ATL2: variants seen among roughly 807,000 people sequenced by gnomAD.
The protein encoded by ATL2 is atlastin GTPase 2.
Under a neutral mutation model 73.9 loss-of-function variants are expected in ATL2, and 31 were observed. That is an observed-to-expected ratio of 0.42 (90% CI 0.32 to 0.57). ATL2 has a LOEUF of 0.57. Ranked by LOEUF, ATL2 falls within the 20% of genes least tolerant of loss-of-function variation. The pLI, the probability that ATL2 is intolerant of heterozygous loss-of-function variation, is 0.14. For missense variants in ATL2, 738 were observed against 702.6 expected (o/e 1.05, Z -0.57); for synonymous variants, 291 against 237.5 (o/e 1.23, Z -2.07).
intron 2 of ATL2, among the ~76,000 whole-genome samples, chr2:38,340,595 A>C (rs1037169638): frequency 1.6e-5 from 2 of 125,972 alleles, no homozygotes; most frequent in Non-Finnish European, 3.0e-5. Flanking sequence ...TCAACACTGA[A>C]AACTTAAACT....
rs368289824 is a variant in ATL2, at chr2:38,301,659, T to C, written c.1072-1331A>G. ...GTGGAAAGAACTCAGCCAGCACCCA[T>C]GGAGGAAGAATTTAGACCAGCCCTA... On this transcript the variant is annotated intron_variant, in intron 9 of 12. Coordinates refer to ENST00000378954, the MANE Select transcript of ATL2 (RefSeq NM_001135673.4). 9.9e-5 allele frequency among the ~76,000 whole-genome samples: 15 copies of C among 152,240 alleles called. No individual in the cohort carries two copies. In the East Asian group the frequency reaches 1.9e-3, roughly 20 times the overall value.
chr2:38,321,488 C>T (rs780631823), intron 2 of ATL2, among the ~76,000 whole-genome samples: 2 of 152,094 alleles, frequency 1.3e-5, no homozygotes, highest in Non-Finnish European at 2.9e-5. Flanking sequence ...TGACACTCCC[C>T]GGACAAGTAA....
rs183575571 is a variant in ATL2 at position 38,294,248 on chromosome 2, G to A, written c.*1746C>T. On this transcript the variant is annotated 3_prime_UTR_variant, in exon 13 of 13. Transcript: ENST00000378954. ...GCAACTCAACACCTGCATTCTCTTC[G>A]CTTAAAAAGCAAACTAAGGGCCGGG... 1.8e-4 allele frequency among the ~76,000 whole-genome samples: 28 copies of A among 152,290 alleles called. No homozygotes were observed. The East Asian group carries it at 3.7e-3, about 20-fold the overall frequency.
chr2:38,370,045 T>G (rs1012270189), intron 1 of ATL2, among the ~76,000 whole-genome samples: 13 of 145,414 alleles, frequency 8.9e-5, no homozygotes, highest in Admixed American at 3.5e-4. Flanking sequence ...TCCCAGGTAC[T>G]CGGGAGGCTC....
chr2:38,366,277 T>C (rs1389108122), intron 1 of ATL2, among the ~76,000 whole-genome samples: 1 of 152,174 alleles, frequency 6.6e-6, no homozygotes, highest in Admixed American at 6.5e-5. Flanking sequence ...CATTTTGAGC[T>C]CCTCAGATAA....
intron 2 of ATL2, among the ~76,000 whole-genome samples, chr2:38,334,903 TTA>T (rs1254816903): frequency 9.4e-6 from 1 of 106,912 alleles, no homozygotes; most frequent in African/African-American, 4.9e-5. Flanking sequence ...TATATATTAT[TTA>T]TAATATATAA....
chr2:38,356,169 T>C (rs1191781290), intron 1 of ATL2, among the ~76,000 whole-genome samples: 2 of 152,178 alleles, frequency 1.3e-5, no homozygotes, highest in Non-Finnish European at 2.9e-5. Flanking sequence ...TTTTATTTAC[T>C]AACCCAAAAT....
rs540292828 is a variant in ATL2 at position 38,294,322 on chromosome 2, G to A, written c.*1672C>T. ...CCAACACTTTGGGAGGCCAAGGCAGGCGGATCACAAGGTCAGGCGATTGAG... is the reference window on the plus strand; with the variant it reads ...CCAACACTTTGGGAGGCCAAGGCAGACGGATCACAAGGTCAGGCGATTGAG... On this transcript the variant is annotated 3_prime_UTR_variant, in exon 13 of 13. Transcript: ENST00000378954. Among the ~76,000 whole-genome samples, 3 of 152,378 alleles carry A rather than the reference G, an allele frequency of 2.0e-5. No homozygotes were observed. The highest frequency in any genetic ancestry group is 4.4e-5 in the Non-Finnish European group (3 of 68,042).
intron 1 of ATL2, among the ~76,000 whole-genome samples, chr2:38,359,876 C>A (rs1482560594): frequency 1.3e-5 from 2 of 151,954 alleles, no homozygotes; most frequent in African/African-American, 4.8e-5. Context: ...GCCTGTAATC[C>A]TAGCCCTTTG....
chr2:38,342,032 T>G (rs1669749990), intron 2 of ATL2, among the ~76,000 whole-genome samples: 2 of 152,224 alleles, frequency 1.3e-5, no homozygotes, highest in South Asian at 4.1e-4. Context: ...TTCCAATTCC[T>G]TCTCCTGTTC....
chr2:38,334,252 A>G (rs914568094), intron 2 of ATL2, among the ~76,000 whole-genome samples: 6 of 148,890 alleles, frequency 4.0e-5, no homozygotes, highest in African/African-American at 1.5e-4. Flanking sequence ...CCGGTCTTGA[A>G]CTCCTGGCCT....
chr2:38,301,568 G>A (rs1272936340), intron 9 of ATL2, among the ~76,000 whole-genome samples: 1 of 152,184 alleles, frequency 6.6e-6, no homozygotes, highest in African/African-American at 2.4e-5. Context: ...CAATCTATGT[G>A]CTTAGGGAAG....
Position 38,331,703 on chromosome 2 carries a change from G to T in ATL2, c.363+11565C>A, listed in dbSNP as rs143528730. On this transcript the variant is annotated intron_variant, in intron 2 of 12. Transcript: ENST00000378954. ...TAAATTCATATATCTATAATCAACT[G>T]GTTTTCAATAAGGTATCAAGAGCAT... Among the ~76,000 whole-genome samples, 9 of 151,706 alleles carry T rather than the reference G, an allele frequency of 5.9e-5. No homozygotes were observed. The East Asian group carries it at 1.2e-3, about 20-fold the overall frequency.
chr2:38,357,651 C>CAAAAAAAA (rs1212548216), intron 1 of ATL2, among the ~76,000 whole-genome samples: 1 of 66,350 alleles, frequency 1.5e-5, no homozygotes, highest in South Asian at 5.6e-4. Context: ...GACTCCGTCT[C>CAAAAAAAA]AAAAAAAAAA....
At chr2:38,346,833 C>A (rs1192526589) in intron 1 of ATL2, among the ~76,000 whole-genome samples, 1 of 152,160 alleles carries the variant, frequency 6.6e-6, no homozygotes, top group Non-Finnish European at 1.5e-5. Flanking sequence ...CAGGTTTAAA[C>A]TAGGTAGCCA....
chr2:38,370,992 G>T (rs1192707111), intron 1 of ATL2, among the ~76,000 whole-genome samples: 1 of 151,320 alleles, frequency 6.6e-6, no homozygotes, highest in Non-Finnish European at 1.5e-5. Flanking sequence ...AATACAAAAA[G>T]ATAAAAAAGA....
chr2:38,348,080 G>A (rs1286531396), intron 1 of ATL2, among the ~76,000 whole-genome samples: 1 of 151,854 alleles, frequency 6.6e-6, no homozygotes, highest in Non-Finnish European at 1.5e-5. Context: ...CCCTTACCTA[G>A]TTTATAAGCA....
At chr2:38,342,959 G>C (rs1669807992) in intron 2 of ATL2, among the ~76,000 whole-genome samples, 2 of 147,004 alleles carry the variant, frequency 1.4e-5, no homozygotes, top group South Asian at 4.3e-4. Flanking sequence ...AACAAAGTGA[G>C]ACCCCCATAG....
intron 1 of ATL2, 47 bp downstream of exon 1, chr2:38,377,096 G>T: frequency 6.4e-7 from 1 of 1,560,718 alleles, no homozygotes; most frequent in Non-Finnish European, 8.7e-7. Context: ...AGCAGCGAGC[G>T]TCTCTCCCCA....
Sources: gnomAD v4.1 joint callset for allele counts (sites outside exome capture counted in the v4.1 genomes callset) on GRCh38, gnomAD v4.1.1 for gene constraint, MANE v1.5 for transcripts, NCBI Gene and HGNC (gene_info 2026-07-23, HGNC 2026-07-21) for gene names.